SLC25A23: variants seen among roughly 807,000 people sequenced by gnomAD.
SLC25A23 encodes mitochondrial adenyl nucleotide antiporter SLC25A23.
In SLC25A23, 32 loss-of-function variants were observed where a neutral mutation model predicts 53.9. The ratio of observed to expected loss-of-function variants is 0.59; its 90% CI spans 0.45 to 0.80. The LOEUF (loss-of-function observed/expected upper bound fraction) is 0.80, where lower values mean the gene tolerates loss of function less well. SLC25A23 is among the 30% of genes least tolerant of loss of function. The pLI, the probability that SLC25A23 is intolerant of heterozygous loss-of-function variation, is 0.00. For missense variants in SLC25A23, 575 were observed against 651.4 expected (o/e 0.88, Z 1.28); for synonymous variants, 275 against 264.5 (o/e 1.04, Z -0.38).
intron 8 of SLC25A23, among the ~76,000 whole-genome samples, chr19:6,448,993 C>T (rs2092547297): frequency 6.6e-6 from 1 of 150,966 alleles, no homozygotes; most frequent in African/African-American, 2.4e-5. Flanking sequence ...CACTGCACTC[C>T]AGCCTGGGTG....
downstream of SLC25A23, chr19:6,436,174 A>G: frequency 4.3e-6 from 1 of 232,110 alleles, no homozygotes; most frequent in Non-Finnish European, 9.0e-6. Context: ...AACATTTATC[A>G]TCTCACCCAT....
Position 6,456,534 on chromosome 19 carries a change from G to A in SLC25A23, c.372-3C>T, listed in dbSNP as rs372136336. 10 of 1,612,588 alleles carry A rather than the reference G, an allele frequency of 6.2e-6. No individual in the cohort carries two copies. In the East Asian group the frequency reaches 8.9e-5, roughly 14 times the overall value. ...TCATTGTGCCGTCTCGGTCCATGCT[G>A]GGGGGAAGAAAGGGGGTGGAGGAGG... On this transcript the variant is annotated splice_polypyrimidine_tract_variant and splice_region_variant and intron_variant, in intron 3 of 9. Coordinates refer to ENST00000301454, the MANE Select transcript of SLC25A23 (RefSeq NM_024103.3).
intron 1 of SLC25A23, 97 bp from the exon 2 acceptor site, chr19:6,458,421 A>G (rs1376057070): frequency 2.2e-6 from 3 of 1,386,038 alleles, no homozygotes; most frequent in African/African-American, 2.9e-5. Context: ...CAGAGCCCCC[A>G]GCGCCTTGAG....
Position 6,459,534 on chromosome 19 carries a change from T to C in SLC25A23, c.95A>G (p.His32Arg), listed in dbSNP as rs1228266104. 6.3e-6 allele frequency: 10 copies of C among 1,599,096 alleles called. No individual in the cohort carries two copies. Among genetic ancestry groups the C allele is most frequent in the Admixed American group, 5.0e-5 (3 of 59,408 alleles). Residue 32 changes from histidine to arginine, a missense_variant, in exon 1 of 10, where the codon CAC becomes CGC. By Grantham distance (29) the His-to-Arg change is conservative (BLOSUM62 0). Transcript: ENST00000301454. The surrounding 1 kb of genome is among the most constrained non-coding windows in gnomAD (Gnocchi z 4.6). ...CCTGGCCAGCCCCTGGCGCAACTCGTGCACGTCCACGCGGCCATCCTTGTT... is the reference window on the plus strand; with the variant it reads ...CCTGGCCAGCCCCTGGCGCAACTCGCGCACGTCCACGCGGCCATCCTTGTT... ...DSNKDGRVDV[H>R]ELRQGLARLG... is the part of the protein sequence containing the mutation.
chr19:6,437,325 C>CA (rs2092338364), downstream of SLC25A23, among the ~76,000 whole-genome samples: 3 of 152,012 alleles, frequency 2.0e-5, no homozygotes, highest in Admixed American at 1.3e-4. Context: ...TCTATTTTTT[C>CA]CACAATAAAT....
chr19:6,454,153 T>C lies in SLC25A23; in HGVS notation c.796-65A>G. 6.5e-7 allele frequency: 1 copy of C among 1,533,680 alleles called. No individual in the cohort carries two copies. On this transcript the variant is annotated intron_variant, in intron 6 of 9. Coordinates refer to ENST00000301454, the MANE Select transcript of SLC25A23 (RefSeq NM_024103.3). This position sits in a 1 kb window ranked among gnomAD's most constrained non-coding sequence, Gnocchi z 4.3. ...GTTGAACCTTCCTTGCACTCCACTG[T>C]TCTCCTGGCTTCCAAAGAACTGGCT...
At position 6,444,909 on chromosome 19, in the gene SLC25A23, C is replaced by T. The variant is rs553831186; in HGVS notation, c.1072-608G>A. ...GTCTCAATCTCCTGACCTTGTGATC[C>T]GCCTGCCTCAGCCTCTCAAAGTGCT... On this transcript the variant is annotated intron_variant, in intron 8 of 9. Transcript: ENST00000301454. 2.4e-4 allele frequency among the ~76,000 whole-genome samples: 36 copies of T among 152,144 alleles called. No homozygotes were observed. In the East Asian group the frequency reaches 4.5e-3, roughly 19 times the overall value.
At chr19:6,456,321 G>T in intron 4 of SLC25A23, 99 bp downstream of exon 4, 1 of 1,236,214 alleles carries the variant, frequency 8.1e-7, no homozygotes, top group Non-Finnish European at 1.2e-6. Flanking sequence ...CTTCTGGAAA[G>T]TCCTGGTCCA....
Position 6,459,535 on chromosome 19 carries a change from G to C in SLC25A23, c.94C>G (p.His32Asp). The part of the protein sequence containing the change: ...DSNKDGRVDV[H>D]ELRQGLARLG... ...CTGGCCAGCCCCTGGCGCAACTCGTGCACGTCCACGCGGCCATCCTTGTTA... is the reference window on the plus strand; with the variant it reads ...CTGGCCAGCCCCTGGCGCAACTCGTCCACGTCCACGCGGCCATCCTTGTTA... The change falls in exon 1 of 10, where the codon CAC (histidine) becomes GAC (aspartate). Residue 32 changes from histidine (H) to aspartate (D), a missense_variant. His to Asp is a moderately conservative substitution (Grantham distance 81). Coordinates refer to ENST00000301454, the MANE Select transcript of SLC25A23 (RefSeq NM_024103.3). The surrounding 1 kb of genome is among the most constrained non-coding windows in gnomAD (Gnocchi z 4.6). 6.3e-7 allele frequency: 1 copy of C among 1,598,958 alleles called. No homozygotes were observed. The highest frequency in any genetic ancestry group is 2.3e-5 in the East Asian group (1 of 43,948).
downstream of SLC25A23, chr19:6,438,096 G>A (rs112298565): frequency 1.3e-5 from 2 of 150,548 alleles, no homozygotes; most frequent in Non-Finnish European, 1.5e-5. Context: ...AGGCCGAGGC[G>A]GGTGGATCAC....
Position 6,454,215 on chromosome 19 carries a change from T to C in SLC25A23, c.795+108A>G. On this transcript the variant is annotated intron_variant, in intron 6 of 9. Coordinates refer to ENST00000301454, the MANE Select transcript of SLC25A23 (RefSeq NM_024103.3). This position sits in a 1 kb window ranked among gnomAD's most constrained non-coding sequence, Gnocchi z 4.3. Reference sequence around the variant, plus strand: ...TTCATGCAGAGGAGCAGATGCCTGATCCTGGGGACCTGTGTTCACCACCCA... The same window carrying C: ...TTCATGCAGAGGAGCAGATGCCTGACCCTGGGGACCTGTGTTCACCACCCA... The C allele has an allele frequency of 1.3e-6, 2 of 1,519,544 alleles. No homozygotes were observed. The highest frequency in any genetic ancestry group is 1.8e-6 in the Non-Finnish European group (2 of 1,121,782). The allele number at this position is 1,519,544 out of a possible 1,614,324, so 94.1% of individuals were successfully genotyped here.
At chr19:6,450,229 C>A (rs77262233) in intron 8 of SLC25A23, among the ~76,000 whole-genome samples, 4 of 152,030 alleles carry the variant, frequency 2.6e-5, no homozygotes, top group East Asian at 1.9e-4. Flanking sequence ...CAGTCCCCCC[C>A]AGACACCTAA....
chr19:6,447,831 C>T (rs111411047), intron 8 of SLC25A23, among the ~76,000 whole-genome samples: 2,606 of 152,200 alleles, frequency 0.017, 68 homozygotes, highest in African/African-American at 0.06. Context: ...CAATCACACC[C>T]GGCTGATTTT....
intron 8 of SLC25A23, among the ~76,000 whole-genome samples, chr19:6,446,532 G>A (rs570155692): frequency 5.3e-5 from 8 of 152,240 alleles, no homozygotes; most frequent in African/African-American, 9.6e-5. Flanking sequence ...CAGGCCAGCC[G>A]GCTCTGACCA....
chr19:6,436,474 G>C, downstream of SLC25A23: 1 of 455,884 alleles, frequency 2.2e-6, no homozygotes, highest in South Asian at 1.5e-5. Context: ...GCTTCCTCCA[G>C]AGCAAATGTT....
At chr19:6,439,414 C>CAG (rs1445209495), downstream of SLC25A23, among the ~76,000 whole-genome samples, 1 of 151,370 alleles carries the variant, frequency 6.6e-6, no homozygotes, top group Non-Finnish European at 1.5e-5. Flanking sequence ...CACACACACA[C>CAG]ACACACACAC....
Position 6,444,276 on chromosome 19 carries a change from T to G in SLC25A23, c.1097A>C (p.Gln366Pro). The change falls in exon 9 of 10, where the codon CAG (glutamine) becomes CCG (proline). Residue 366 changes from glutamine to proline, a missense_variant. By Grantham distance (76) the Gln-to-Pro change is moderately conservative. Transcript: ENST00000301454. Reference protein sequence around the residue: ...YETLKNWWLQQYSHDSADPGI... With the variant: ...YETLKNWWLQPYSHDSADPGI... ...TGGGTCTGCCGAGTCGTGGCTGTAC[T>G]GCTGAAGCCACCAGTTCTTCAGAGT... is the stretch of plus-strand genomic sequence containing the variant. The G allele has an allele frequency of 5.1e-6, 8 of 1,582,084 alleles. No homozygotes were observed. Among genetic ancestry groups the G allele is most frequent in the Non-Finnish European group, 6.0e-6 (7 of 1,163,492 alleles).
rs74972092 is a variant in SLC25A23 at position 6,454,973 on chromosome 19, C to T, written c.484-256G>A. Among the ~76,000 whole-genome samples the T allele has an allele frequency of 1.9e-3, 295 of 152,282 alleles. No individual in the cohort carries two copies. Among genetic ancestry groups the T allele is most frequent in the African/African-American group, 6.8e-3 (282 of 41,562 alleles). On this transcript the variant is annotated intron_variant, in intron 4 of 9. Coordinates refer to ENST00000301454, the MANE Select transcript of SLC25A23 (RefSeq NM_024103.3). The surrounding 1 kb of genome is among the most constrained non-coding windows in gnomAD (Gnocchi z 4.3). ...ATCTGCCAAATCCCACTAAAGGATC[C>T]TATTCAAGTATCTGCCACATAAAGA... is the stretch of plus-strand genomic sequence containing the variant.
intron 8 of SLC25A23, among the ~76,000 whole-genome samples, chr19:6,448,464 AATC>A (rs2092538794): frequency 6.6e-6 from 1 of 151,514 alleles, no homozygotes; most frequent in African/African-American, 2.4e-5. Flanking sequence ...TCATGCCTGT[AATC>A]CCAGCATTTT....
Sources: gnomAD v4.1 joint callset for allele counts (sites outside exome capture counted in the v4.1 genomes callset) on GRCh38, gnomAD v4.1.1 for gene constraint, Gnocchi (gnomAD v3.1) non-coding constraint, MANE v1.5 for transcripts, NCBI Gene and HGNC (gene_info 2026-07-23, HGNC 2026-07-21) for gene names.